CSMD1: variants seen among roughly 807,000 people sequenced by gnomAD.
CSMD1 encodes CUB and sushi domain-containing protein 1.
Under a neutral mutation model 417.5 loss-of-function variants are expected in CSMD1, and 213 were observed. The observed-to-expected ratio is 0.51, with a 90% confidence interval of 0.46 to 0.57. The LOEUF is 0.57. Ranked by LOEUF, CSMD1 falls within the 20% of genes least tolerant of loss-of-function variation. CSMD1 has a pLI of 0.00. For synonymous variants in CSMD1, 2,862 were observed against 1,736.8 expected, an observed-to-expected ratio of 1.65 and a Z score of -16.11; for missense variants, 6,923 against 4,529.7, an observed-to-expected ratio of 1.53 and a Z score of -15.17.
intron 5 of CSMD1, among the ~76,000 whole-genome samples, chr8:3,890,893 G>C (rs1160833272): frequency 6.6e-6 from 1 of 152,070 alleles, no homozygotes; most frequent in African/African-American, 2.4e-5. Flanking sequence ...TCTTGAGTGT[G>C]CTAGCTACTC....
At chr8:3,594,899 T>A (rs2117044919) in intron 8 of CSMD1, among the ~76,000 whole-genome samples, 1 of 152,204 alleles carries the variant, frequency 6.6e-6, no homozygotes, top group East Asian at 1.9e-4. Flanking sequence ...CCTTTGGAAC[T>A]AATGTGAGCA....
At chr8:3,343,643 A>T (rs1807802975) in intron 22 of CSMD1, among the ~76,000 whole-genome samples, 193 bp from the exon 23 acceptor site, 1 of 152,166 alleles carries the variant, frequency 6.6e-6, no homozygotes, top group African/African-American at 2.4e-5. Flanking sequence ...TTTACCATTA[A>T]CACTGGAGGC....
intron 3 of CSMD1, among the ~76,000 whole-genome samples, chr8:4,248,557 C>G (rs905115071): frequency 1.3e-5 from 2 of 152,178 alleles, no homozygotes; most frequent in African/African-American, 4.8e-5. Context: ...CATTCTATTT[C>G]TCTTTGGCTA....
chr8:4,767,544 T>C (rs1001778644), intron 1 of CSMD1, among the ~76,000 whole-genome samples: 2 of 152,184 alleles, frequency 1.3e-5, no homozygotes, highest in African/African-American at 4.8e-5. Context: ...CTCACCATCC[T>C]GTCCTGTGTG....
rs1036781833 is a variant in CSMD1, at chr8:4,824,523, G to C, written c.85+169809C>G. ...AGAGTAGTCCCAATTAAAATATTTT[G>C]GGAATACAAGAAAGTTCTATTAATA... On this transcript the variant is annotated intron_variant, in intron 1 of 69. Transcript: ENST00000635120. 8.5e-5 allele frequency among the ~76,000 whole-genome samples: 13 copies of C among 152,052 alleles called. 1 individual carries two copies. The highest frequency in any genetic ancestry group is 8.8e-5 in the Non-Finnish European group (6 of 67,988).
At chr8:3,648,142 C>A (rs972771910) in intron 7 of CSMD1, among the ~76,000 whole-genome samples, 2 of 152,188 alleles carry the variant, frequency 1.3e-5, no homozygotes, top group Non-Finnish European at 2.9e-5. Context: ...ACTATGGCCC[C>A]AGATTAAGTT....
At chr8:4,245,148 C>T (rs1051930948) in intron 3 of CSMD1, among the ~76,000 whole-genome samples, 12 of 152,158 alleles carry the variant, frequency 7.9e-5, no homozygotes, top group African/African-American at 2.9e-4. Flanking sequence ...ATGGAAATGC[C>T]TGGGTTCAGA....
At chr8:4,698,350 C>T (rs1252552230) in intron 1 of CSMD1, among the ~76,000 whole-genome samples, 1 of 152,080 alleles carries the variant, frequency 6.6e-6, no homozygotes, top group Non-Finnish European at 1.5e-5. Flanking sequence ...TGTCCCAAAA[C>T]AGATAAACTG....
At chr8:4,947,402 G>C (rs1563839603) in intron 1 of CSMD1, among the ~76,000 whole-genome samples, 3 of 143,832 alleles carry the variant, frequency 2.1e-5, no homozygotes, top group Admixed American at 2.1e-4. Flanking sequence ...AATTAATTAT[G>C]TCTAAGAATT....
chr8:4,211,613 C>G (rs1341265355), intron 3 of CSMD1, among the ~76,000 whole-genome samples: 6 of 152,148 alleles, frequency 3.9e-5, no homozygotes, highest in Admixed American at 1.3e-4. Context: ...CCAAGTTGCT[C>G]CATAAGAACA....
intron 3 of CSMD1, among the ~76,000 whole-genome samples, chr8:4,385,560 C>T (rs1803394003): frequency 6.6e-6 from 1 of 152,104 alleles, no homozygotes; most frequent in Non-Finnish European, 1.5e-5. Flanking sequence ...CTGCACATTA[C>T]TACAGTGTAT....
intron 12 of CSMD1, among the ~76,000 whole-genome samples, chr8:3,441,545 G>T (rs1051336248): frequency 2.0e-5 from 3 of 148,538 alleles, no homozygotes; most frequent in Admixed American, 1.4e-4. Context: ...ACCACGTAAG[G>T]ACATTTCAAT....
intron 11 of CSMD1, among the ~76,000 whole-genome samples, chr8:3,469,958 GATTT>G (rs975051117): frequency 1.3e-5 from 2 of 152,172 alleles, no homozygotes; most frequent in African/African-American, 4.8e-5. Context: ...TTTGAAGAGA[GATTT>G]TTTTCTTTCT....
intron 5 of CSMD1, among the ~76,000 whole-genome samples, chr8:3,964,120 A>G (rs1812515293): frequency 6.6e-6 from 1 of 152,232 alleles, no homozygotes; most frequent in Non-Finnish European, 1.5e-5. Context: ...TTCAGAAAAA[A>G]AAGTTTTGCG....
At chr8:3,481,726 G>C (rs566966505) in intron 11 of CSMD1, among the ~76,000 whole-genome samples, 5 of 152,166 alleles carry the variant, frequency 3.3e-5, no homozygotes, top group South Asian at 4.1e-4. Flanking sequence ...TCTGAATTCA[G>C]AGAGTGGGTT....
At chr8:4,397,303 A>C (rs1177477182) in intron 3 of CSMD1, among the ~76,000 whole-genome samples, 1 of 152,170 alleles carries the variant, frequency 6.6e-6, no homozygotes, top group Non-Finnish European at 1.5e-5. Flanking sequence ...ATTGTTTTCT[A>C]ATTTTAAATG....
rs1052941952 is a variant in CSMD1 at position 4,458,273 on chromosome 8, A to C, written c.303-38208T>G. 4.6e-5 allele frequency among the ~76,000 whole-genome samples: 7 copies of C among 152,288 alleles called. No individual in the cohort carries two copies. In the East Asian group the frequency reaches 5.8e-4, roughly 13 times the overall value. The stretch of plus-strand genomic sequence containing the variant: ...TTGCAGAGTAACCACAAAAAATGAC[A>C]CTCAATGAGAAATATCTTTCTCCCT... On this transcript the variant is annotated intron_variant, in intron 2 of 69. Coordinates refer to ENST00000635120, the MANE Select transcript of CSMD1 (RefSeq NM_033225.6).
intron 2 of CSMD1, among the ~76,000 whole-genome samples, chr8:4,533,324 T>G (rs1228849791): frequency 6.6e-6 from 1 of 152,184 alleles, no homozygotes; most frequent in Non-Finnish European, 1.5e-5. Flanking sequence ...AAGCCAAGGA[T>G]TATCAGTAGT....
intron 41 of CSMD1, among the ~76,000 whole-genome samples, chr8:3,136,961 T>C (rs1402212383): frequency 1.3e-5 from 2 of 152,180 alleles, no homozygotes; most frequent in African/African-American, 2.4e-5. Flanking sequence ...TTAAATTTTA[T>C]TATTTTAATT....
Sources: gnomAD v4.1 joint callset for allele counts (sites outside exome capture counted in the v4.1 genomes callset) on GRCh38, gnomAD v4.1.1 for gene constraint, MANE v1.5 for transcripts, NCBI Gene and HGNC (gene_info 2026-07-23, HGNC 2026-07-21) for gene names.